The following LAMA2 variants were observed in gnomAD, a reference collection of about 807,000 sequenced individuals.
LAMA2 encodes laminin subunit alpha-2.
Under a neutral mutation model 364.8 loss-of-function variants are expected in LAMA2, and 269 were observed. The observed-to-expected ratio is 0.74, with a 90% confidence interval of 0.67 to 0.82. LAMA2 has a LOEUF of 0.82. LAMA2 is among the 40% of genes least tolerant of loss of function. The pLI, the probability that LAMA2 is intolerant of heterozygous loss-of-function variation, is 0.00. For missense variants in LAMA2, 3,807 were observed against 3,873.2 expected, an observed-to-expected ratio of 0.98 and a Z score of 0.45; for synonymous variants, 1,379 against 1,370.6, an observed-to-expected ratio of 1.01 and a Z score of -0.14.
At chr6:129,112,177 A>G (rs1776196990) in intron 4 of LAMA2, among the ~76,000 whole-genome samples, 1 of 152,026 alleles carries the variant, frequency 6.6e-6, no homozygotes, top group Non-Finnish European at 1.5e-5. Flanking sequence ...GACTTTTGCT[A>G]AAAATTCTTA....
At chr6:129,263,631 G>A (rs1464145203) in intron 15 of LAMA2, among the ~76,000 whole-genome samples, 1 of 149,176 alleles carries the variant, frequency 6.7e-6, no homozygotes, top group Non-Finnish European at 1.5e-5. Flanking sequence ...GAGGAGATTT[G>A]CACATATGAT....
rs1182435020 is a variant in LAMA2, at chr6:129,314,806, G to A, written c.3555+8G>A. ...GGACTGATCCGGACGTGGGTGAGTA[G>A]GGAACTGCTGAGCCATGTAATGGTA... On this transcript the variant is annotated splice_region_variant and intron_variant, in intron 24 of 64. Transcript: ENST00000421865. 1.2e-6 allele frequency: 2 copies of A among 1,613,740 alleles called. No homozygotes were observed. Among genetic ancestry groups the A allele is most frequent in the Non-Finnish European group, 8.5e-7 (1 of 1,179,900 alleles).
chr6:129,372,588 G>A (rs1449285461), intron 34 of LAMA2, among the ~76,000 whole-genome samples: 2 of 152,228 alleles, frequency 1.3e-5, no homozygotes, highest in African/African-American at 4.8e-5. Context: ...TTGGCAGCAT[G>A]AATCAAGTTG....
At chr6:128,948,355 C>T (rs1368430153) in intron 1 of LAMA2, among the ~76,000 whole-genome samples, 1 of 152,014 alleles carries the variant, frequency 6.6e-6, no homozygotes, top group Non-Finnish European at 1.5e-5. Flanking sequence ...TAGTCACTTC[C>T]CAGTTTATGT....
chr6:129,068,111 G>A (rs1773057487), intron 3 of LAMA2, among the ~76,000 whole-genome samples: 1 of 152,154 alleles, frequency 6.6e-6, no homozygotes, highest in Non-Finnish European at 1.5e-5. Context: ...CATATAGGAA[G>A]CATTCAATGT....
intron 1 of LAMA2, among the ~76,000 whole-genome samples, chr6:128,892,243 C>T (rs1199513472): frequency 6.6e-6 from 1 of 151,856 alleles, no homozygotes; most frequent in Admixed American, 6.6e-5. Context: ...ATAATTCTGT[C>T]GAGGTTACAC....
chr6:129,455,871 C>T (rs534408564), intron 47 of LAMA2, among the ~76,000 whole-genome samples: 1 of 152,090 alleles, frequency 6.6e-6, no homozygotes, highest in African/African-American at 2.4e-5. Flanking sequence ...AGAAATCATG[C>T]AGCTTATGAT....
chr6:128,921,699 T>G (rs953440228), intron 1 of LAMA2, among the ~76,000 whole-genome samples: 4 of 126,936 alleles, frequency 3.2e-5, no homozygotes. Flanking sequence ...GAATGTCTGT[T>G]TTTTTTTTTT....
rs543304321 is a variant in LAMA2, at chr6:128,968,841, C to T, written c.113-81077C>T. Among the ~76,000 whole-genome samples the T allele has an allele frequency of 2.4e-3, 361 of 152,136 alleles. 2 individuals carry two copies. Among genetic ancestry groups the T allele is most frequent in the Non-Finnish European group, 1.6e-3 (111 of 68,012 alleles). On this transcript the variant is annotated intron_variant, in intron 1 of 64. Coordinates refer to ENST00000421865, the MANE Select transcript of LAMA2 (RefSeq NM_000426.4). ...CCTTGTACATGTAGGAGTCAGATCA[C>T]GTGGGACCTTGTGCTTCGTTTGAAT...
At chr6:129,312,346 T>C (rs1774280313) in intron 22 of LAMA2, among the ~76,000 whole-genome samples, 1 of 152,202 alleles carries the variant, frequency 6.6e-6, no homozygotes, top group East Asian at 1.9e-4. Flanking sequence ...TCTCCTTGGA[T>C]TCCCCAAGTC....
intron 42 of LAMA2, among the ~76,000 whole-genome samples, chr6:129,439,987 T>G (rs993075266): frequency 4.6e-5 from 7 of 151,982 alleles, no homozygotes; most frequent in African/African-American, 1.7e-4. Context: ...CAACTTGTCT[T>G]CTGTGTATAA....
chr6:129,163,215 T>C (rs1779545833), intron 8 of LAMA2, among the ~76,000 whole-genome samples: 1 of 152,240 alleles, frequency 6.6e-6, no homozygotes, highest in African/African-American at 2.4e-5. Flanking sequence ...GCGTTCATTG[T>C]ATCTGAGGCA....
At position 129,297,875 on chromosome 6, in the gene LAMA2, T is replaced by C. The variant is rs756218440; in HGVS notation, c.3037+10T>C. ...GAAGGAGGCTGCACAGGTCTGTAAA[T>C]ATGACTTAAGTCCTACATATTCACT... On this transcript the variant is annotated intron_variant, in intron 21 of 64. Transcript: ENST00000421865. The C allele has an allele frequency of 6.2e-6, 10 of 1,611,536 alleles. No homozygotes were observed. The South Asian group carries it at 1.1e-4, about 18-fold the overall frequency.
At chr6:129,382,078 C>T (rs1778722468) in intron 34 of LAMA2, among the ~76,000 whole-genome samples, 1 of 152,112 alleles carries the variant, frequency 6.6e-6, no homozygotes, top group African/African-American at 2.4e-5. Context: ...ATTCTCTGGC[C>T]ATGCCTAGTA....
intron 37 of LAMA2, among the ~76,000 whole-genome samples, chr6:129,398,649 T>C (rs1423946964): frequency 6.6e-6 from 1 of 151,902 alleles, no homozygotes. Flanking sequence ...TAATTTTGTA[T>C]TTTTAGTAGA....
chr6:128,884,377 C>T (rs1582596761), intron 1 of LAMA2, among the ~76,000 whole-genome samples: 1 of 151,920 alleles, frequency 6.6e-6, no homozygotes, highest in Non-Finnish European at 1.5e-5. Flanking sequence ...CCTAAGAGTA[C>T]AAAATCTGTA....
At chr6:129,401,517 T>G (rs572433340) in intron 38 of LAMA2, among the ~76,000 whole-genome samples, 177 bp downstream of exon 38, 2 of 152,356 alleles carry the variant, frequency 1.3e-5, no homozygotes, top group East Asian at 3.9e-4. Flanking sequence ...ATCACTTTGT[T>G]CTCCCAATGG....
At chr6:129,491,825 G>A (rs1437616843) in intron 56 of LAMA2, 76 bp from the exon 57 acceptor site, 2 of 1,205,664 alleles carry the variant, frequency 1.7e-6, no homozygotes, top group Non-Finnish European at 2.4e-6. Context: ...GGTGAAGGGT[G>A]GCAGGAAAGA....
intron 41 of LAMA2, among the ~76,000 whole-genome samples, chr6:129,435,933 A>G (rs768371549): frequency 5.7e-4 from 86 of 152,078 alleles, no homozygotes; most frequent in Middle Eastern, 3.2e-3. Context: ...ACAACCTCTG[A>G]GAGGGGTGTG....
Sources: gnomAD v4.1 joint callset for allele counts (sites outside exome capture counted in the v4.1 genomes callset) on GRCh38, gnomAD v4.1.1 for gene constraint, MANE v1.5 for transcripts, NCBI Gene and HGNC (gene_info 2026-07-23, HGNC 2026-07-21) for gene names.